PRKAB2: variants seen among roughly 807,000 people sequenced by gnomAD.
PRKAB2 encodes protein kinase AMP-activated non-catalytic subunit beta 2.
A neutral mutation model predicts 29.8 loss-of-function variants in PRKAB2; 18 were observed. That is an observed-to-expected ratio of 0.60 (90% CI 0.42 to 0.89). The LOEUF (loss-of-function observed/expected upper bound fraction) is 0.89. PRKAB2 is among the 40% of genes least tolerant of loss of function. The probability of loss-of-function intolerance (pLI) is 0.00; values close to 1 mark genes in which losing one functional copy is unlikely to be tolerated. For missense variants in PRKAB2, 270 were observed against 344.3 expected (o/e 0.78, Z 1.71); for synonymous variants, 136 against 125.9 (o/e 1.08, Z -0.54).
intron 2 of PRKAB2, among the ~76,000 whole-genome samples, chr1:147,169,607 T>A (rs782194711): frequency 6.6e-6 from 1 of 152,188 alleles, no homozygotes. Context: ...TAGAGGTACA[T>A]CCTAAAATGT....
chr1:147,157,077 A>G lies in PRKAB2; in HGVS notation c.*2488T>C, dbSNP rs587696615. The stretch of plus-strand genomic sequence containing the variant: ...CAAAAGCAAAATAAAGGCTAAAAAA[A>G]TTTTTTTTGCCTTTACTCATTTTCA... On this transcript the variant is annotated 3_prime_UTR_variant, in exon 8 of 8. Transcript: ENST00000254101. 1 of 152,060 alleles carries G rather than the reference A, an allele frequency of 6.6e-6. No individual in the cohort carries two copies. The highest frequency in any genetic ancestry group is 1.9e-4 in the East Asian group (1 of 5,180). The allele number at this position is 152,060 out of a possible 1,614,324, so 9.4% of individuals were successfully genotyped here.
At chr1:147,161,367 A>C (rs1271545745) in intron 7 of PRKAB2, among the ~76,000 whole-genome samples, 1 of 139,946 alleles carries the variant, frequency 7.1e-6, no homozygotes, top group Non-Finnish European at 1.5e-5. Context: ...ATCACATTCA[A>C]GCATTCTTTG....
chr1:147,165,644 T>C (rs1221737812), intron 5 of PRKAB2, among the ~76,000 whole-genome samples: 1 of 152,040 alleles, frequency 6.6e-6, no homozygotes, highest in Non-Finnish European at 1.5e-5. Flanking sequence ...TCTGATACTA[T>C]AGCAATTGTA....
At chr1:147,171,236 G>A (rs1215425528) in intron 2 of PRKAB2, among the ~76,000 whole-genome samples, 3 of 152,150 alleles carry the variant, frequency 2.0e-5, no homozygotes, top group Non-Finnish European at 2.9e-5. Flanking sequence ...AGGTCTTCAG[G>A]GCAGCTGTGG....
At chr1:147,165,873 C>T (rs1307983883) in intron 5 of PRKAB2, among the ~76,000 whole-genome samples, 2 of 152,184 alleles carry the variant, frequency 1.3e-5, no homozygotes, top group Non-Finnish European at 2.9e-5. Flanking sequence ...ACATGCTTCA[C>T]AGCAGCCTCG....
intron 5 of PRKAB2, among the ~76,000 whole-genome samples, chr1:147,164,653 A>T (rs1173841995): frequency 6.6e-6 from 1 of 152,242 alleles, no homozygotes; most frequent in Non-Finnish European, 1.5e-5. Flanking sequence ...TCACCAGAAA[A>T]AAATAAATAC....
chr1:147,166,898 T>A lies in PRKAB2; in HGVS notation c.365A>T (p.Glu122Val). The A allele has an allele frequency of 1.2e-6, 2 of 1,614,060 alleles. No homozygotes were observed. The highest frequency in any genetic ancestry group is 1.7e-6 in the Non-Finnish European group (2 of 1,179,984). ...FVAILDLPEGEHQYKFFVDGQ... is the reference protein window; with the variant it reads ...FVAILDLPEGVHQYKFFVDGQ... ...ATCCACAAAGAACTTGTATTGGTGC[T>A]CTCCCTCAGGGAGGTCCAGGATGGC... is the stretch of plus-strand genomic sequence containing the variant. Residue 122 changes from glutamate (E) to valine (V), a missense_variant, in exon 4 of 8, where the codon GAG becomes GTG. Physicochemically the swap from Glu to Val is moderately radical, Grantham distance 121. Around this residue, in one of 2 missense-constraint regions of PRKAB2, gnomAD observed 228 missense variants for 255.5 expected, o/e 0.89. Transcript: ENST00000254101.
rs1318169874 is a variant in PRKAB2 at position 147,158,828 on chromosome 1, C to A, written c.*737G>T. On this transcript the variant is annotated 3_prime_UTR_variant, in exon 8 of 8. Transcript: ENST00000254101. Reference sequence around the variant, plus strand: ...TTTTCTTTAGAAGTTAAAACAAACACGACAAAGTGGCCTGGGCCTGTGCTG... The same window carrying A: ...TTTTCTTTAGAAGTTAAAACAAACAAGACAAAGTGGCCTGGGCCTGTGCTG... 6.6e-6 allele frequency: 1 copy of A among 152,194 alleles called. No individual in the cohort carries two copies. The highest frequency in any genetic ancestry group is 2.4e-5 in the African/African-American group (1 of 41,450). The allele number at this position is 152,194 out of a possible 1,614,324, so 9.4% of individuals were successfully genotyped here.
intron 5 of PRKAB2, among the ~76,000 whole-genome samples, chr1:147,164,637 G>A (rs1294815382): frequency 6.6e-6 from 1 of 152,092 alleles, no homozygotes; most frequent in Non-Finnish European, 1.5e-5. Flanking sequence ...AGTTTTTATT[G>A]CCTTTTCACC....
intron 5 of PRKAB2, among the ~76,000 whole-genome samples, chr1:147,164,583 T>G (rs1435438698): frequency 1.3e-5 from 2 of 152,208 alleles, no homozygotes; most frequent in Admixed American, 1.3e-4. Context: ...GCTTTGTTAT[T>G]TCGTCACATG....
chr1:147,170,335 C>G (rs755461270), intron 2 of PRKAB2, among the ~76,000 whole-genome samples: 3 of 152,138 alleles, frequency 2.0e-5, no homozygotes, highest in Non-Finnish European at 4.4e-5. Flanking sequence ...TCAGACAGAG[C>G]AACCTGGCTT....
At position 147,167,950 on chromosome 1, in the gene PRKAB2, G is replaced by T. The variant is rs782492282; in HGVS notation, c.157-17C>A. On this transcript the variant is annotated splice_polypyrimidine_tract_variant and intron_variant, in intron 2 of 7. Transcript: ENST00000254101. The stretch of plus-strand genomic sequence containing the variant: ...CCCAGGGAGCTGTAAGAAGGAGTAG[G>T]TCATCCCTAGAATAAACTGTGACCC... 6.2e-7 allele frequency: 1 copy of T among 1,603,830 alleles called. No homozygotes were observed. The highest frequency in any genetic ancestry group is 8.5e-7 in the Non-Finnish European group (1 of 1,175,520).
chr1:147,167,683 A>T (rs1157590035), intron 3 of PRKAB2, 84 bp downstream of exon 3: 9 of 1,484,010 alleles, frequency 6.1e-6, no homozygotes, highest in Non-Finnish European at 8.2e-6. Flanking sequence ...GTAGGTGGAG[A>T]AAAGTCCAGC....
At chr1:147,170,505 A>T (rs1553914195) in intron 2 of PRKAB2, among the ~76,000 whole-genome samples, 1 of 152,226 alleles carries the variant, frequency 6.6e-6, no homozygotes, top group Non-Finnish European at 1.5e-5. Flanking sequence ...AGCCCAAATA[A>T]GAATGGAGAA....
In PRKAB2 at chr1:147,159,428, C is replaced by A. The variant is rs1203880801; in HGVS notation, c.*137G>T. The A allele has an allele frequency of 4.7e-6, 3 of 640,670 alleles. No individual in the cohort carries two copies. The highest frequency in any genetic ancestry group is 6.2e-5 in the Admixed American group (2 of 32,486). The allele number at this position is 640,670 out of a possible 1,614,324, so 39.7% of individuals were successfully genotyped here. A position where few individuals can be genotyped will look rare whatever the true frequency, so the allele number is the denominator to read the frequency against. On this transcript the variant is annotated 3_prime_UTR_variant, in exon 8 of 8. Transcript: ENST00000254101. ...TCTGCAATCAAATGCAAAAGCAGAGCATCCTACTCAGAGGCTCTGAAACAC... is the reference window on the plus strand; with the variant it reads ...TCTGCAATCAAATGCAAAAGCAGAGAATCCTACTCAGAGGCTCTGAAACAC...
rs1553913729 is a variant in PRKAB2 at position 147,166,538 on chromosome 1, T to C, written c.498A>G (p.Leu166=). The C allele has an allele frequency of 1.2e-6, 2 of 1,614,012 alleles. No homozygotes were observed. Among genetic ancestry groups the C allele is most frequent in the African/African-American group, 1.3e-5 (1 of 75,046 alleles). The change falls in exon 5 of 8, where the codon TTA becomes TTG. Residue 166 remains leucine, a synonymous_variant. Transcript: ENST00000254101. The stretch of plus-strand genomic sequence containing the variant: ...CAGAACTTTCCATAGAATCTAACTT[T>C]AAAGCATCGAACACCTCAAAATCAG... ...KKSDFEVFDA[L]KLDSMESSET... is the part of the protein sequence containing the mutation.
intron 7 of PRKAB2, among the ~76,000 whole-genome samples, chr1:147,160,254 C>T (rs1350202162): frequency 6.6e-6 from 1 of 152,084 alleles, no homozygotes; most frequent in African/African-American, 2.4e-5. Flanking sequence ...GAAAGACACC[C>T]AATCCAATGG....
At chr1:147,162,318 T>A in intron 6 of PRKAB2, 122 bp downstream of exon 6, 1 of 935,916 alleles carries the variant, frequency 1.1e-6, no homozygotes. Context: ...ATGTTATTGG[T>A]ATGTGTATGA....
At chr1:147,165,954 C>T (rs587601304) in intron 5 of PRKAB2, among the ~76,000 whole-genome samples, 4 of 152,276 alleles carry the variant, frequency 2.6e-5, no homozygotes, top group East Asian at 1.9e-4. Flanking sequence ...TGTGCCATTA[C>T]GCTCGGCTAA....
Sources: gnomAD v4.1 joint callset for allele counts (sites outside exome capture counted in the v4.1 genomes callset) on GRCh38, gnomAD v4.1.1 for gene constraint, gnomAD v4.1.1 regional missense constraint, MANE v1.5 for transcripts, NCBI Gene and HGNC (gene_info 2026-07-23, HGNC 2026-07-21) for gene names.